Variants in LIN28B observed in about 807,000 individuals in gnomAD.
The protein encoded by LIN28B is protein lin-28 homolog B.
LIN28B carries 5 observed loss-of-function variants against 21.9 expected under a neutral mutation model. The ratio of observed to expected loss-of-function variants is 0.23; its 90% confidence interval spans 0.12 to 0.48. The LOEUF is 0.48. Ranked by LOEUF, LIN28B falls within the 20% of genes least tolerant of loss-of-function variation. LIN28B has a pLI of 0.98. For synonymous variants in LIN28B, 109 were observed against 111.3 expected (o/e 0.98, Z 0.13); for missense variants, 245 against 310.5 (o/e 0.79, Z 1.58).
intron 2 of LIN28B, among the ~76,000 whole-genome samples, chr6:104,989,585 T>TG (rs1562083371): frequency 4.6e-5 from 5 of 109,434 alleles, no homozygotes; most frequent in East Asian, 2.1e-4. Context: ...GGTTTTTTTT[T>TG]TTTTTTTTTT....
chr6:105,038,672 A>G (rs978572770), intron 3 of LIN28B, among the ~76,000 whole-genome samples: 2 of 152,226 alleles, frequency 1.3e-5, no homozygotes, highest in Non-Finnish European at 1.5e-5. Flanking sequence ...TCAATCTAGC[A>G]TCATTAATAT....
intron 2 of LIN28B, among the ~76,000 whole-genome samples, chr6:104,973,069 C>CCA (rs1770012799): frequency 6.6e-6 from 1 of 151,728 alleles, no homozygotes; most frequent in Non-Finnish European, 1.5e-5. Flanking sequence ...CGAGATTGTG[C>CCA]CACTGCACTC....
chr6:105,024,556 T>C (rs1406637050), intron 2 of LIN28B, among the ~76,000 whole-genome samples: 1 of 152,184 alleles, frequency 6.6e-6, no homozygotes, highest in African/African-American at 2.4e-5. Context: ...AATAATACTT[T>C]ATTATTTTAA....
At chr6:104,943,738 C>T (rs898356459) in intron 2 of LIN28B, among the ~76,000 whole-genome samples, 1 of 151,976 alleles carries the variant, frequency 6.6e-6, no homozygotes, top group Non-Finnish European at 1.5e-5. Flanking sequence ...ATTTCCTTGA[C>T]TTTTAAAGGG....
chr6:105,023,628 T>TAAAATATATAAAATATATAATATATA (rs1771219539), intron 2 of LIN28B, among the ~76,000 whole-genome samples: 4 of 46,572 alleles, frequency 8.6e-5, no homozygotes, highest in African/African-American at 3.3e-4. Flanking sequence ...TATTATATAT[T>TAAAATATATAAAATATATAATATATA]TTATATATAT....
At chr6:104,994,895 T>G (rs1055569694) in intron 2 of LIN28B, among the ~76,000 whole-genome samples, 3 of 152,158 alleles carry the variant, frequency 2.0e-5, no homozygotes, top group African/African-American at 7.2e-5. Context: ...TTTGAACAGA[T>G]TTTCACTATA....
intron 2 of LIN28B, among the ~76,000 whole-genome samples, chr6:105,020,913 C>A (rs755762226): frequency 4.6e-5 from 7 of 151,830 alleles, no homozygotes; most frequent in African/African-American, 1.7e-4. Context: ...CCACCACGCC[C>A]GGCTAATTTT....
intron 2 of LIN28B, among the ~76,000 whole-genome samples, chr6:105,010,858 TAGTC>T (rs1293577172): frequency 1.3e-5 from 2 of 152,236 alleles, no homozygotes; most frequent in Non-Finnish European, 2.9e-5. Context: ...TGTCCCTCTT[TAGTC>T]AGTCCATATA....
chr6:104,942,508 G>A (rs1778108438), intron 2 of LIN28B, among the ~76,000 whole-genome samples: 1 of 151,298 alleles, frequency 6.6e-6, no homozygotes, highest in African/African-American at 2.4e-5. Context: ...AAATAAATTT[G>A]CTATGAAATT....
chr6:105,041,545 G>A (rs1771636903), intron 3 of LIN28B, among the ~76,000 whole-genome samples: 1 of 152,024 alleles, frequency 6.6e-6, no homozygotes, highest in Non-Finnish European at 1.5e-5. Flanking sequence ...TTATTTTCTA[G>A]ATAATTTGAT....
At chr6:105,030,592 C>CTTTTTT (rs980799980) in intron 3 of LIN28B, among the ~76,000 whole-genome samples, 32 of 106,592 alleles carry the variant, frequency 3.0e-4, no homozygotes, top group East Asian at 7.8e-4. Flanking sequence ...TTCTTTCTTT[C>CTTTTTT]TTTTTTTTTT....
intron 2 of LIN28B, among the ~76,000 whole-genome samples, chr6:105,025,892 A>C (rs1771277757): frequency 6.6e-6 from 1 of 152,114 alleles, no homozygotes. Flanking sequence ...TTAATGGCTT[A>C]ATAATGTTAT....
At chr6:104,990,871 G>A (rs1268570177) in intron 2 of LIN28B, among the ~76,000 whole-genome samples, 2 of 152,126 alleles carry the variant, frequency 1.3e-5, no homozygotes, top group East Asian at 3.9e-4. Flanking sequence ...GAGAGCACCG[G>A]GTTGGGGGTA....
chr6:105,078,147 A>C (rs1772471874), intron 3 of LIN28B, among the ~76,000 whole-genome samples: 1 of 152,170 alleles, frequency 6.6e-6, no homozygotes, highest in Middle Eastern at 3.2e-3. Context: ...GGAAGTGATT[A>C]AATATTCTTA....
chr6:105,053,714 C>CGTGTGTGTGTGTGT (rs59369365), intron 3 of LIN28B, among the ~76,000 whole-genome samples: 44 of 147,386 alleles, frequency 3.0e-4, no homozygotes, highest in African/African-American at 8.8e-4. Flanking sequence ...TGTGTGGGTG[C>CGTGTGTGTGTGTGT]GTGTGTGTGT....
chr6:105,054,268 T>C (rs1160895626), intron 3 of LIN28B, among the ~76,000 whole-genome samples: 1 of 152,232 alleles, frequency 6.6e-6, no homozygotes, highest in Non-Finnish European at 1.5e-5. Context: ...CATTTGGTTT[T>C]GTTTGTATTT....
intron 3 of LIN28B, among the ~76,000 whole-genome samples, chr6:105,038,639 C>G (rs1038832690): frequency 6.6e-6 from 1 of 152,130 alleles, no homozygotes; most frequent in Non-Finnish European, 1.5e-5. Flanking sequence ...AATACAGGTG[C>G]TAGCCGTAAC....
intron 2 of LIN28B, among the ~76,000 whole-genome samples, chr6:104,994,686 A>G (rs1034458961): frequency 4.6e-5 from 7 of 152,230 alleles, no homozygotes; most frequent in Non-Finnish European, 7.3e-5. Flanking sequence ...AATTCTCAAC[A>G]GAGAAGGCAT....
chr6:105,060,630 C>T (rs1305826153), intron 3 of LIN28B, among the ~76,000 whole-genome samples: 1 of 152,232 alleles, frequency 6.6e-6, no homozygotes, highest in South Asian at 2.1e-4. Context: ...GAGATGACTT[C>T]ATGGGTTTAG....
Sources: gnomAD v4.1 joint callset for allele counts (sites outside exome capture counted in the v4.1 genomes callset) on GRCh38, gnomAD v4.1.1 for gene constraint, MANE v1.5 for transcripts, NCBI Gene and HGNC (gene_info 2026-07-23, HGNC 2026-07-21) for gene names.